Variants in MAP3K1 observed in about 807,000 individuals in gnomAD.
MAP3K1 encodes the protein MAP/ERK kinase kinase 1.
Under a neutral mutation model 144.2 loss-of-function variants are expected in MAP3K1, and 36 were observed. That is an observed-to-expected ratio of 0.25 (90% CI 0.19 to 0.33). The LOEUF is 0.33. Ranked by LOEUF, MAP3K1 falls within the 10% of genes least tolerant of loss-of-function variation. The pLI is 1.00. For missense variants in MAP3K1, 1,650 were observed against 1,881.9 expected (o/e 0.88, Z 2.28); for synonymous variants, 718 against 688.7 (o/e 1.04, Z -0.67).
At chr5:56,838,253 A>G (rs1007994319) in intron 1 of MAP3K1, among the ~76,000 whole-genome samples, 1 of 152,174 alleles carries the variant, frequency 6.6e-6, no homozygotes, top group Admixed American at 6.5e-5. Flanking sequence ...TTGTGTTACA[A>G]GTACAGTTCT....
At chr5:56,843,450 G>A (rs1305045362) in intron 1 of MAP3K1, among the ~76,000 whole-genome samples, 1 of 152,136 alleles carries the variant, frequency 6.6e-6, no homozygotes, top group Non-Finnish European at 1.5e-5. Context: ...CATTCCCCAG[G>A]CCCATTTATT....
chr5:56,818,306 A>G (rs975756750), intron 1 of MAP3K1, among the ~76,000 whole-genome samples: 8 of 152,044 alleles, frequency 5.3e-5, no homozygotes, highest in African/African-American at 1.7e-4. Flanking sequence ...AGTTTTAGGA[A>G]AAAAAACCCT....
chr5:56,879,068 A>G lies in MAP3K1; in HGVS notation c.2054A>G (p.Asp685Gly). 1 of 1,613,968 alleles carries G rather than the reference A, an allele frequency of 6.2e-7. No homozygotes were observed. ...KLQRLLQPVV[D>G]TILVKCADAN... is the part of the protein sequence containing the mutation. Reference sequence around the variant, plus strand: ...CAGAGACTTCTCCAGCCAGTTGTAGACACCATCCTAGTCAAATGTGCAGAT... The same window carrying G: ...CAGAGACTTCTCCAGCCAGTTGTAGGCACCATCCTAGTCAAATGTGCAGAT... The change falls in exon 11 of 20, where the codon GAC becomes GGC. Residue 685 changes from aspartate (D) to glycine (G), a missense_variant. This residue lies in a region of MAP3K1 where 841 missense variants were observed against 886.5 expected (regional missense o/e 0.95). Coordinates refer to ENST00000399503, the MANE Select transcript of MAP3K1 (RefSeq NM_005921.2).
chr5:56,833,533 C>T (rs75681196), intron 1 of MAP3K1, among the ~76,000 whole-genome samples: 4,894 of 152,246 alleles, frequency 0.032, 250 homozygotes, highest in African/African-American at 0.11. Flanking sequence ...TGCCTCAGCT[C>T]ACACCTGAGT....
At chr5:56,886,193 C>T (rs571440894) in intron 17 of MAP3K1, 130 bp downstream of exon 17, 543 of 711,130 alleles carry the variant, frequency 7.6e-4, no homozygotes, top group Non-Finnish European at 1.2e-3. Flanking sequence ...CACTTGAGGT[C>T]AGGAGCTCGA....
At chr5:56,833,385 T>C (rs977158074) in intron 1 of MAP3K1, among the ~76,000 whole-genome samples, 1 of 152,244 alleles carries the variant, frequency 6.6e-6, no homozygotes, top group Non-Finnish European at 1.5e-5. Flanking sequence ...TTAACACTTT[T>C]GGAGTACTTC....
intron 19 of MAP3K1, 57 bp from the exon 20 acceptor site, chr5:56,893,474 T>G: frequency 1.3e-6 from 2 of 1,569,114 alleles, no homozygotes; most frequent in Non-Finnish European, 1.8e-6. Flanking sequence ...TGCACATGTG[T>G]TTCTGTATCA....
intron 19 of MAP3K1, 77 bp downstream of exon 19, chr5:56,888,434 G>T: frequency 8.0e-7 from 1 of 1,256,670 alleles, no homozygotes; most frequent in Non-Finnish European, 1.2e-6. Flanking sequence ...ATTTTGATGG[G>T]TTCTCCCTAA....
intron 3 of MAP3K1, 98 bp downstream of exon 3, chr5:56,860,013 T>C: frequency 2.7e-6 from 3 of 1,108,550 alleles, no homozygotes. Context: ...AACATCAGTT[T>C]TCAAAATATG....
At chr5:56,886,092 G>A (rs2111958723) in intron 17 of MAP3K1, 29 bp downstream of exon 17, 2 of 1,590,916 alleles carry the variant, frequency 1.3e-6, no homozygotes, top group East Asian at 2.2e-5. Context: ...ATTATCTAGT[G>A]ACAATAAAAA....
At chr5:56,868,342 G>A (rs1485085903) in intron 6 of MAP3K1, among the ~76,000 whole-genome samples, 4 of 151,350 alleles carry the variant, frequency 2.6e-5, no homozygotes, top group African/African-American at 7.3e-5. Flanking sequence ...AATCTGAAAC[G>A]TCAAAAAAAA....
chr5:56,882,717 C>T lies in MAP3K1; in HGVS notation c.3517C>T (p.His1173Tyr), dbSNP rs781361183. Reference sequence around the variant, plus strand: ...TGATACCTACAAAGATGATGTGAATCATAATCAAAAGTGCAAAGAGAAGAT... The same window carrying T: ...TGATACCTACAAAGATGATGTGAATTATAATCAAAAGTGCAAAGAGAAGAT... ...NDDTYKDDVN[H>Y]NQKCKEKMEA... Residue 1173 changes from histidine (H) to tyrosine (Y), a missense_variant, in exon 14 of 20, where the codon CAT (histidine) becomes TAT (tyrosine). Physicochemically the swap from His to Tyr is moderately conservative, Grantham distance 83. This residue lies in a region of MAP3K1 where 841 missense variants were observed against 886.5 expected (regional missense o/e 0.95). Transcript: ENST00000399503. The T allele has an allele frequency of 1.2e-6, 2 of 1,613,758 alleles. No individual in the cohort carries two copies. Among genetic ancestry groups the T allele is most frequent in the African/African-American group, 1.3e-5 (1 of 74,982 alleles).
At chr5:56,820,171 A>G (rs1746111054) in intron 1 of MAP3K1, among the ~76,000 whole-genome samples, 1 of 151,964 alleles carries the variant, frequency 6.6e-6, no homozygotes, top group Non-Finnish European at 1.5e-5. Flanking sequence ...ATATGTTTAT[A>G]TATAATCTCA....
intron 1 of MAP3K1, among the ~76,000 whole-genome samples, chr5:56,835,419 C>T (rs1746622179): frequency 7.5e-6 from 1 of 132,458 alleles, no homozygotes; most frequent in African/African-American, 3.3e-5. Context: ...GAAGAGTTGA[C>T]AGGAAGGCAG....
At chr5:56,859,065 TAAAAA>T (rs34494768) in intron 2 of MAP3K1, among the ~76,000 whole-genome samples, 1 of 125,582 alleles carries the variant, frequency 8.0e-6, no homozygotes, top group Non-Finnish European at 1.7e-5. Flanking sequence ...AAGCCTTAAT[TAAAAA>T]AAAAAAAAAA....
intron 9 of MAP3K1, among the ~76,000 whole-genome samples, chr5:56,874,473 C>T (rs7736475): frequency 4.6e-5 from 7 of 152,256 alleles, no homozygotes; most frequent in South Asian, 2.1e-4. Flanking sequence ...CCACTCCATT[C>T]GTTTTACAGT....
chr5:56,864,920 T>G lies in MAP3K1; in HGVS notation c.1021T>G (p.Phe341Val), dbSNP rs1360236049. ...GDSPDNKYRV[F>V]IGPQNCSCAR... ...CAGCCCAGACAATAAATACCGGGTG[T>G]TTATTGGGCCTCAGGTAGGATTCGT... Residue 341 changes from phenylalanine to valine, a missense_variant, in exon 4 of 20, where the codon TTT becomes GTT. This residue lies in a region of MAP3K1 where 11 missense variants were observed against 40.6 expected (regional missense o/e 0.27). Coordinates refer to ENST00000399503, the MANE Select transcript of MAP3K1 (RefSeq NM_005921.2). 6.2e-7 allele frequency: 1 copy of G among 1,614,114 alleles called. No homozygotes were observed. The highest frequency in any genetic ancestry group is 1.1e-5 in the South Asian group (1 of 91,080).
At chr5:56,870,411 A>G (rs1747816417) in intron 6 of MAP3K1, among the ~76,000 whole-genome samples, 1 of 152,232 alleles carries the variant, frequency 6.6e-6, no homozygotes, top group Non-Finnish European at 1.5e-5. Flanking sequence ...TGAAGGTTTA[A>G]ATAAAAACAT....
chr5:56,827,972 TTGG>T (rs1316157064), intron 1 of MAP3K1, among the ~76,000 whole-genome samples: 1 of 152,114 alleles, frequency 6.6e-6, no homozygotes, highest in Non-Finnish European at 1.5e-5. Context: ...AATGGGGTCG[TTGG>T]TGGTATAATG....
Sources: allele counts gnomAD v4.1 joint callset (sites outside exome capture counted in the v4.1 genomes callset), GRCh38; gene constraint gnomAD v4.1.1; regional missense constraint gnomAD v4.1.1; transcripts MANE v1.5; gene names NCBI Gene and HGNC (gene_info 2026-07-23, HGNC 2026-07-21).